The following MSH4 variants were observed in gnomAD, a reference collection of about 807,000 sequenced individuals.
MSH4 encodes mutS homolog 4, also known as mutS protein homolog 4.
In MSH4, 106 loss-of-function variants were observed where a neutral mutation model predicts 113.7. The ratio of observed to expected loss-of-function variants is 0.93; its 90% CI spans 0.80 to 1.10. The LOEUF (loss-of-function observed/expected upper bound fraction) is 1.10, where lower values mean the gene tolerates loss of function less well. MSH4 is among the 50% of genes least tolerant of loss of function. MSH4 has a pLI of 0.00. For synonymous variants in MSH4, 368 were observed against 380.2 expected (o/e 0.97, Z 0.37); for missense variants, 1,061 against 1,093.7 (o/e 0.97, Z 0.42).
At position 75,867,371 on chromosome 1, in the gene MSH4, T is replaced by A. The variant is rs1408784173; in HGVS notation, c.1231-143T>A. 3,279 of 564,278 alleles carry A rather than the reference T, an allele frequency of 5.8e-3. 125 individuals are homozygous for A. In the African/African-American group the frequency reaches 0.063, roughly 11 times the overall value. 35.0% of individuals were successfully genotyped at this position (564,278 alleles called of 1,614,324 possible). A position where few individuals can be genotyped will look rare whatever the true frequency, so the allele number is the denominator to read the frequency against. On this transcript the variant is annotated intron_variant, in intron 8 of 19. Coordinates refer to ENST00000263187, the MANE Select transcript of MSH4 (RefSeq NM_002440.4). ...ATTATGGTGGGTCAATAATTTTGTA[T>A]CATTCTTTAGGCTTGCATTGCGGCT...
intron 7 of MSH4, among the ~76,000 whole-genome samples, chr1:75,846,901 A>G (rs1209965716): frequency 6.6e-6 from 1 of 152,056 alleles, no homozygotes; most frequent in African/African-American, 2.4e-5. Flanking sequence ...CCAATTTTCT[A>G]TCTTAGTTTG....
chr1:75,885,318 GGTGT>G (rs58647865), intron 15 of MSH4, among the ~76,000 whole-genome samples: 29,601 of 105,164 alleles, frequency 0.28, 4,756 homozygotes, highest in East Asian at 0.7. Context: ...TCACACTGGG[GGTGT>G]GTGTGTGTGT....
At chr1:75,911,153 T>A (rs1391998648) in intron 19 of MSH4, among the ~76,000 whole-genome samples, 1 of 151,958 alleles carries the variant, frequency 6.6e-6, no homozygotes, top group African/African-American at 2.4e-5. Context: ...TTTGCCTTCT[T>A]AACCAGTTTT....
intron 1 of MSH4, among the ~76,000 whole-genome samples, chr1:75,798,164 G>A (rs925394069): frequency 1.3e-5 from 2 of 152,144 alleles, no homozygotes; most frequent in African/African-American, 2.4e-5. Context: ...GTCTCGCTAT[G>A]CTGCCCATGC....
chr1:75,906,527 T>TATATATAATATATA (rs1557534419), intron 19 of MSH4, among the ~76,000 whole-genome samples: 1 of 36,802 alleles, frequency 2.7e-5, no homozygotes, highest in Non-Finnish European at 4.8e-5. Context: ...ATGTATATAT[T>TATATATAATATATA]ATATATAATA....
intron 3 of MSH4, among the ~76,000 whole-genome samples, chr1:75,809,898 G>T (rs961122239): frequency 6.6e-6 from 1 of 151,884 alleles, no homozygotes; most frequent in East Asian, 1.9e-4. Context: ...TGATGCAGTC[G>T]CCTTGGCCTC....
At chr1:75,840,624 T>A (rs1570961132) in intron 7 of MSH4, among the ~76,000 whole-genome samples, 1 of 150,832 alleles carries the variant, frequency 6.6e-6, no homozygotes, top group Middle Eastern at 3.4e-3. Context: ...CATATGTAAC[T>A]AACCTGCACA....
rs555929122 is a variant in MSH4, at chr1:75,886,445, AAT to A, written c.2107+2631_2107+2632del. 2.0e-3 allele frequency among the ~76,000 whole-genome samples: 220 copies of A among 109,704 alleles called. 16 individuals carry two copies. The highest frequency in any genetic ancestry group is 0.01 in the African/African-American group (215 of 20,754). The allele number at this position is 109,704 out of a possible 152,430, so 72.0% of individuals were successfully genotyped here. A position where few individuals can be genotyped will look rare whatever the true frequency, so the allele number is the denominator to read the frequency against. On this transcript the variant is annotated intron_variant, in intron 15 of 19. Transcript: ENST00000263187. ...ATATGATGTATTATATATTATATAT[AAT>A]ATATATGATGTATTATATATTATAT...
chr1:75,907,428 A>T (rs1182612996), intron 19 of MSH4, among the ~76,000 whole-genome samples: 3 of 151,828 alleles, frequency 2.0e-5, no homozygotes, highest in Non-Finnish European at 2.9e-5. Context: ...TGCTGCTTTT[A>T]GGATTCTCTT....
At position 75,863,038 on chromosome 1, in the gene MSH4, A is replaced by G. The variant is rs549050078; in HGVS notation, c.1231-4476A>G. 8.5e-5 allele frequency among the ~76,000 whole-genome samples: 13 copies of G among 152,224 alleles called. No individual in the cohort carries two copies. In the East Asian group the frequency reaches 1.3e-3, roughly 16 times the overall value. On this transcript the variant is annotated intron_variant, in intron 8 of 19. Transcript: ENST00000263187. ...AAATGCTTAAAATACTTTCCCCAAC[A>G]TTTGAAAAATTTATATTAAAGATAT...
chr1:75,856,165 G>A (rs1414358367), intron 8 of MSH4, among the ~76,000 whole-genome samples: 2 of 151,938 alleles, frequency 1.3e-5, no homozygotes, highest in African/African-American at 4.8e-5. Context: ...TTCTGGTCTA[G>A]GTTTAAGGTA....
At chr1:75,834,906 A>C (rs1352911748) in intron 7 of MSH4, among the ~76,000 whole-genome samples, 3 of 152,262 alleles carry the variant, frequency 2.0e-5, no homozygotes, top group Non-Finnish European at 4.4e-5. Flanking sequence ...CATGTACCCT[A>C]GAACTTAAAG....
intron 15 of MSH4, among the ~76,000 whole-genome samples, chr1:75,884,931 A>G (rs1161134895): frequency 1.3e-5 from 2 of 150,716 alleles, no homozygotes; most frequent in Non-Finnish European, 3.0e-5. Flanking sequence ...TTCGATTTGA[A>G]TTAGCTATGA....
chr1:75,816,338 A>C (rs779894202), intron 5 of MSH4, 35 bp from the exon 6 acceptor site: 1 of 1,368,550 alleles, frequency 7.3e-7, no homozygotes, highest in South Asian at 1.9e-5. Context: ...TTTATATTAA[A>C]GACTTATAGT....
intron 19 of MSH4, among the ~76,000 whole-genome samples, chr1:75,903,602 G>C (rs543041488): frequency 2.0e-5 from 3 of 152,106 alleles, no homozygotes; most frequent in African/African-American, 7.2e-5. Flanking sequence ...TGAATCTATA[G>C]ATTACATTGA....
chr1:75,797,498 GAC>G (rs1470427682), intron 1 of MSH4, among the ~76,000 whole-genome samples: 2 of 152,222 alleles, frequency 1.3e-5, no homozygotes, highest in Non-Finnish European at 1.5e-5. Context: ...TCTGACAAAT[GAC>G]AGTTTGTGCG....
intron 8 of MSH4, among the ~76,000 whole-genome samples, chr1:75,860,452 G>T (rs1651430109): frequency 6.6e-6 from 1 of 152,148 alleles, no homozygotes; most frequent in African/African-American, 2.4e-5. Flanking sequence ...TTGTAAGGCA[G>T]GCCTGGTGGT....
chr1:75,831,470 C>A (rs956964416), intron 7 of MSH4, among the ~76,000 whole-genome samples: 1 of 152,196 alleles, frequency 6.6e-6, no homozygotes, highest in African/African-American at 2.4e-5. Context: ...CACCCCAAAG[C>A]AGCAGAATAT....
chr1:75,859,210 C>A (rs1651396313), intron 8 of MSH4, among the ~76,000 whole-genome samples: 1 of 152,216 alleles, frequency 6.6e-6, no homozygotes, highest in South Asian at 2.1e-4. Context: ...TTTTAAAAAA[C>A]CAGCTCCTGG....
Sources: gnomAD v4.1 joint callset for allele counts (sites outside exome capture counted in the v4.1 genomes callset) on GRCh38, gnomAD v4.1.1 for gene constraint, MANE v1.5 for transcripts, NCBI Gene and HGNC (gene_info 2026-07-23, HGNC 2026-07-21) for gene names.